TMEM178B: variants seen among roughly 807,000 people sequenced by gnomAD.
The protein encoded by TMEM178B is transmembrane protein 178B.
TMEM178B carries 5 observed loss-of-function variants against 31.0 expected under a neutral mutation model. That is an observed-to-expected ratio of 0.16 (90% CI 0.08 to 0.34). The LOEUF (loss-of-function observed/expected upper bound fraction) is 0.34. Ranked by LOEUF, TMEM178B falls within the 10% of genes least tolerant of loss-of-function variation. TMEM178B has a pLI of 1.00. For missense variants in TMEM178B, 275 were observed against 400.3 expected, an observed-to-expected ratio of 0.69 and a Z score of 2.67; for synonymous variants, 164 against 164.0, an observed-to-expected ratio of 1.00 and a Z score of 0.00.
chr7:141,287,739 G>C (rs560723044), intron 2 of TMEM178B, among the ~76,000 whole-genome samples: 1 of 152,286 alleles, frequency 6.6e-6, no homozygotes, highest in East Asian at 1.9e-4. Context: ...TTCAGTGCTG[G>C]GCAGTGCTTT....
At chr7:141,306,396 G>T (rs982867559) in intron 2 of TMEM178B, among the ~76,000 whole-genome samples, 1 of 152,164 alleles carries the variant, frequency 6.6e-6, no homozygotes, top group Non-Finnish European at 1.5e-5. Context: ...ATGCACATGG[G>T]ATCTGAAGGT....
At chr7:141,310,156 A>C (rs1486979358) in intron 2 of TMEM178B, among the ~76,000 whole-genome samples, 2 of 152,256 alleles carry the variant, frequency 1.3e-5, no homozygotes, top group East Asian at 1.9e-4. Flanking sequence ...GACAACCTAC[A>C]GAATGGGAGA....
chr7:141,212,812 C>A, intron 2 of TMEM178B, 108 bp downstream of exon 2: 1 of 855,686 alleles, frequency 1.2e-6, no homozygotes, highest in Non-Finnish European at 1.8e-6. Context: ...GGTCTCAGAA[C>A]ATTGAGATGG....
intron 2 of TMEM178B, among the ~76,000 whole-genome samples, chr7:141,262,932 C>T (rs531128073): frequency 1.2e-4 from 18 of 152,112 alleles, no homozygotes; most frequent in Non-Finnish European, 2.5e-4. Context: ...TCACTCTAGG[C>T]CTTTACCACC....
At chr7:141,354,717 G>C (rs1318444675) in intron 2 of TMEM178B, among the ~76,000 whole-genome samples, 1 of 152,028 alleles carries the variant, frequency 6.6e-6, no homozygotes, top group Admixed American at 6.6e-5. Context: ...CTCCACCTTT[G>C]TGGTTTCGTG....
chr7:141,097,089 C>CA (rs113276063), intron 1 of TMEM178B, among the ~76,000 whole-genome samples: 10,651 of 129,496 alleles, frequency 0.082, 525 homozygotes, highest in Non-Finnish European at 0.13. Context: ...GAAGTTGTCT[C>CA]AAAAAAAAAA....
intron 3 of TMEM178B, among the ~76,000 whole-genome samples, chr7:141,460,991 C>T (rs961872477): frequency 4.6e-5 from 7 of 152,148 alleles, no homozygotes; most frequent in African/African-American, 1.4e-4. Context: ...ATTTATATTC[C>T]GTGCAGGTCT....
chr7:141,505,860 T>C, the TMEM178B span, among the ~76,000 whole-genome samples: 6,779 of 152,300 alleles, frequency 0.045, 480 homozygotes, highest in African/African-American at 0.15. Flanking sequence ...TTCTCTGAGA[T>C]GGCCCTCAAG....
intron 2 of TMEM178B, among the ~76,000 whole-genome samples, chr7:141,389,992 G>C (rs993704739): frequency 6.6e-6 from 1 of 152,310 alleles, no homozygotes; most frequent in Admixed American, 6.5e-5. Flanking sequence ...CCAGGCACAT[G>C]GCTGGAAAAT....
intron 2 of TMEM178B, among the ~76,000 whole-genome samples, chr7:141,220,541 T>A (rs1797241447): frequency 6.7e-6 from 1 of 148,966 alleles, no homozygotes; most frequent in Non-Finnish European, 1.5e-5. Flanking sequence ...GGAGGAGGCC[T>A]GGAGTAGGGG....
chr7:141,187,550 TC>T (rs1796630305), intron 1 of TMEM178B, among the ~76,000 whole-genome samples: 1 of 152,122 alleles, frequency 6.6e-6, no homozygotes, highest in South Asian at 2.1e-4. Context: ...TAGTTTACAG[TC>T]CCACCAACAG....
chr7:141,507,353 T>C, the TMEM178B span, among the ~76,000 whole-genome samples: 1 of 152,146 alleles, frequency 6.6e-6, no homozygotes, highest in African/African-American at 2.4e-5. Flanking sequence ...ATACATCTTC[T>C]GAAATCTAGG....
chr7:141,452,299 C>A (rs147572623), intron 3 of TMEM178B, among the ~76,000 whole-genome samples: 1 of 152,160 alleles, frequency 6.6e-6, no homozygotes, highest in Non-Finnish European at 1.5e-5. Flanking sequence ...TCTCTATATA[C>A]GTTATGCATG....
rs1444296974 is a variant in TMEM178B, at chr7:141,268,525, C to T, written c.496+55821C>T. 5.3e-5 allele frequency among the ~76,000 whole-genome samples: 8 copies of T among 152,226 alleles called. No individual in the cohort carries two copies. In the South Asian group the frequency reaches 8.3e-4, roughly 16 times the overall value. On this transcript the variant is annotated intron_variant, in intron 2 of 3. Transcript: ENST00000565468. ...TTAACCACAGAAACAGTATCCAACA[C>T]TATAGACATCTGAACTGGTTCAGCT...
At chr7:141,431,410 G>C (rs1469763138) in intron 2 of TMEM178B, 1 of 152,044 alleles carries the variant, frequency 6.6e-6, no homozygotes, top group Non-Finnish European at 1.5e-5. Flanking sequence ...GCTTTTTCTG[G>C]TTCTATTTAA....
At chr7:141,434,316 T>C (rs1318152856) in intron 2 of TMEM178B, among the ~76,000 whole-genome samples, 1 of 152,162 alleles carries the variant, frequency 6.6e-6, no homozygotes, top group East Asian at 1.9e-4. Flanking sequence ...GTACAGGCCT[T>C]CCAATGAGCA....
intron 2 of TMEM178B, among the ~76,000 whole-genome samples, chr7:141,327,539 T>C (rs1398220154): frequency 1.3e-5 from 2 of 152,198 alleles, no homozygotes; most frequent in Non-Finnish European, 2.9e-5. Context: ...ATAGATTTCA[T>C]GAATTTTGAC....
chr7:141,496,649 G>T, the TMEM178B span, among the ~76,000 whole-genome samples: 1 of 108,596 alleles, frequency 9.2e-6, no homozygotes, highest in South Asian at 3.1e-4. Context: ...CAGCCTGGGC[G>T]ACAGAGCGAG....
At chr7:141,340,038 C>G (rs113715220) in intron 2 of TMEM178B, among the ~76,000 whole-genome samples, 3 of 152,172 alleles carry the variant, frequency 2.0e-5, no homozygotes, top group Non-Finnish European at 2.9e-5. Context: ...CACCTTAATC[C>G]CTGGAACCTG....
Sources: gnomAD v4.1 joint callset for allele counts (sites outside exome capture counted in the v4.1 genomes callset) on GRCh38, gnomAD v4.1.1 for gene constraint, MANE v1.5 for transcripts, NCBI Gene and HGNC (gene_info 2026-07-23, HGNC 2026-07-21) for gene names.